ZNF276: variants seen among roughly 807,000 people sequenced by gnomAD.
The protein encoded by ZNF276 is centromere protein Z.
Under a neutral mutation model 63.9 loss-of-function variants are expected in ZNF276, and 59 were observed. That is an observed-to-expected ratio of 0.92 (90% confidence interval 0.75 to 1.15). The LOEUF (loss-of-function observed/expected upper bound fraction) is 1.15, where lower values mean the gene tolerates loss of function less well. ZNF276 is among the 50% of genes most tolerant of loss of function. ZNF276 has a pLI of 0.00. For synonymous variants in ZNF276, 496 were observed against 348.4 expected, an observed-to-expected ratio of 1.42 and a Z score of -4.72; for missense variants, 1,084 against 843.8, an observed-to-expected ratio of 1.28 and a Z score of -3.53.
chr16:89,723,193 C>A lies in ZNF276; in HGVS notation c.556+10C>A. On this transcript the variant is annotated intron_variant, in intron 3 of 10. Coordinates refer to ENST00000443381, the MANE Select transcript of ZNF276 (RefSeq NM_001113525.2). ...GAGGGAGCGTGTCTGGGTGAGTCCT[C>A]CCCCGGTGGAGGGTGGGCTGGGTGC... The A allele has an allele frequency of 6.2e-7, 1 of 1,613,210 alleles. No homozygotes were observed. Among genetic ancestry groups the A allele is most frequent in the Non-Finnish European group, 8.5e-7 (1 of 1,180,028 alleles).
Position 89,727,309 on chromosome 16 carries a change from C to T in ZNF276, c.1037C>T (p.Ser346Leu), listed in dbSNP as rs750600939. 4 of 1,614,168 alleles carry T rather than the reference C, an allele frequency of 2.5e-6. No homozygotes were observed. The highest frequency in any genetic ancestry group is 2.2e-5 in the South Asian group (2 of 91,074). Residue 346 changes from serine to leucine, a missense_variant, in exon 5 of 11, where the codon TCA (serine) becomes TTA (leucine). By Grantham distance (145) the Ser-to-Leu change is moderately radical (BLOSUM62 -2). Transcript: ENST00000443381. Reference sequence around the variant, plus strand: ...TTGGGTGAGAAGCAGCTTCCATCTTCAACCTCGGATGATCGGGTAAAAGAC... The same window carrying T: ...TTGGGTGAGAAGCAGCTTCCATCTTTAACCTCGGATGATCGGGTAAAAGAC... ...GQLGEKQLPS[S>L]TSDDRVKDEF...
At position 89,721,658 on chromosome 16, in the gene ZNF276, G is replaced by A. The variant is rs1384767793; in HGVS notation, c.18G>A (p.Leu6=). The A allele has an allele frequency of 1.4e-6, 2 of 1,466,520 alleles. No individual in the cohort carries two copies. Among genetic ancestry groups the A allele is most frequent in the Non-Finnish European group, 1.8e-6 (2 of 1,114,932 alleles). 90.8% of individuals were successfully genotyped at this position (1,466,520 alleles called of 1,614,324 possible). Residue 6 remains leucine (L), a synonymous_variant, in exon 1 of 11, where the codon CTG becomes CTA. Coordinates refer to ENST00000443381, the MANE Select transcript of ZNF276 (RefSeq NM_001113525.2). MKRDR[L]GRFLSPGSSR... The stretch of plus-strand genomic sequence containing the variant: ...CCGCTGCCATGAAGCGGGACCGGCT[G>A]GGCCGCTTCCTGTCTCCTGGGTCGT...
intron 1 of ZNF276, 21 bp downstream of exon 1, chr16:89,721,866 T>C (rs2151655101): frequency 8.3e-7 from 1 of 1,199,542 alleles, no homozygotes; most frequent in Admixed American, 4.4e-5. Context: ...GGCCCGGGCG[T>C]GGCGGGTTGG....
At chr16:89,725,854 C>A (rs544777954) in intron 4 of ZNF276, among the ~76,000 whole-genome samples, 1 of 152,152 alleles carries the variant, frequency 6.6e-6, no homozygotes, top group Non-Finnish European at 1.5e-5. Flanking sequence ...ACTCTTTTGC[C>A]CAGGCTGGTC....
chr16:89,723,215 G>C, intron 3 of ZNF276, 32 bp downstream of exon 3: 3 of 1,613,080 alleles, frequency 1.9e-6, no homozygotes, highest in Non-Finnish European at 2.5e-6. Context: ...GGTGGGCTGG[G>C]TGCCGACCAG....
chr16:89,736,366 C>T (rs2061890293), intron 9 of ZNF276, among the ~76,000 whole-genome samples: 1 of 150,454 alleles, frequency 6.6e-6, no homozygotes, highest in African/African-American at 2.4e-5. Context: ...TCTGTGTCGC[C>T]CAGCCTGGAG....
chr16:89,735,063 G>C (rs988564809), intron 9 of ZNF276, among the ~76,000 whole-genome samples: 3 of 151,526 alleles, frequency 2.0e-5, no homozygotes, highest in East Asian at 1.9e-4. Context: ...GGAGGCGGAG[G>C]TGGAGGTTGC....
intron 5 of ZNF276, among the ~76,000 whole-genome samples, chr16:89,728,463 G>A (rs2061537478): frequency 6.6e-6 from 1 of 152,060 alleles, no homozygotes; most frequent in Non-Finnish European, 1.5e-5. Flanking sequence ...GAGTGCAGTG[G>A]CACAATCTCG....
At position 89,739,224 on chromosome 16, in the gene ZNF276, T is replaced by A. The variant is rs760589739; in HGVS notation, c.*978T>A. On this transcript the variant is annotated 3_prime_UTR_variant, in exon 11 of 11. Transcript: ENST00000443381. ...GAGCTGGACCAGCTTCAAGTACATGTCCACAGCAACATGCAGGAAGGCCTC... is the reference window on the plus strand; with the variant it reads ...GAGCTGGACCAGCTTCAAGTACATGACCACAGCAACATGCAGGAAGGCCTC... The A allele has an allele frequency of 6.2e-7, 1 of 1,614,160 alleles. No homozygotes were observed. Among genetic ancestry groups the A allele is most frequent in the Non-Finnish European group, 8.5e-7 (1 of 1,180,034 alleles).
chr16:89,728,859 C>G (rs962535663), intron 5 of ZNF276, among the ~76,000 whole-genome samples: 16 of 152,214 alleles, frequency 1.1e-4, no homozygotes, highest in African/African-American at 3.9e-4. Flanking sequence ...TTAGAAGTGA[C>G]TCATGGCAAA....
chr16:89,720,506 G>A (rs2061229589), upstream of ZNF276: 3 of 1,139,804 alleles, frequency 2.6e-6, no homozygotes, highest in Middle Eastern at 1.1e-3. Context: ...TCCTCTACAG[G>A]TGGAGCCCAG....
upstream of ZNF276, chr16:89,720,731 A>G: frequency 7.1e-7 from 1 of 1,418,008 alleles, no homozygotes. Flanking sequence ...GGCCACCCTC[A>G]GCGGCCAAGC....
At chr16:89,729,150 T>G in intron 5 of ZNF276, 85 bp from the exon 6 acceptor site, 2 of 1,063,892 alleles carry the variant, frequency 1.9e-6, no homozygotes, top group Non-Finnish European at 2.9e-6. Context: ...TGGGGGTCCA[T>G]TTGGTATCTT....
Position 89,738,507 on chromosome 16 carries a change from T to C in ZNF276, c.*261T>C, listed in dbSNP as rs2062024982. Reference sequence around the variant, plus strand: ...CCCCACTAAAGCAGTCGAGGAGATTTGTAATCCACTTTTTAGTGCAACAAG... The same window carrying C: ...CCCCACTAAAGCAGTCGAGGAGATTCGTAATCCACTTTTTAGTGCAACAAG... On this transcript the variant is annotated 3_prime_UTR_variant, in exon 11 of 11. Coordinates refer to ENST00000443381, the MANE Select transcript of ZNF276 (RefSeq NM_001113525.2). 8 of 1,578,690 alleles carry C rather than the reference T, an allele frequency of 5.1e-6. No individual in the cohort carries two copies. The East Asian group carries it at 1.8e-4, about 35-fold the overall frequency.
chr16:89,740,044 A>C lies in ZNF276; in HGVS notation c.*1798A>C, dbSNP rs986710868. On this transcript the variant is annotated 3_prime_UTR_variant, in exon 11 of 11. Coordinates refer to ENST00000443381, the MANE Select transcript of ZNF276 (RefSeq NM_001113525.2). ...CAGCCAGGATATCTTCCTCTTCTCT[A>C]AACACTCGAGGATTGCTGCACAAAC... 3.7e-6 allele frequency: 6 copies of C among 1,614,126 alleles called. No individual in the cohort carries two copies. Among genetic ancestry groups the C allele is most frequent in the South Asian group, 1.1e-5 (1 of 91,080 alleles).
At chr16:89,722,233 C>T (rs990813405) in intron 1 of ZNF276, among the ~76,000 whole-genome samples, 2 of 152,236 alleles carry the variant, frequency 1.3e-5, no homozygotes, top group African/African-American at 2.4e-5. Flanking sequence ...GAGGGCGCAG[C>T]GCCTGCCCCG....
chr16:89,731,212 G>C (rs1049199331), intron 6 of ZNF276, among the ~76,000 whole-genome samples: 1 of 152,246 alleles, frequency 6.6e-6, no homozygotes, highest in Non-Finnish European at 1.5e-5. Context: ...GGGACAGGGA[G>C]AGAAGGCGCA....
intron 5 of ZNF276, among the ~76,000 whole-genome samples, chr16:89,728,993 C>G (rs997064842): frequency 3.9e-5 from 6 of 152,234 alleles, no homozygotes; most frequent in African/African-American, 1.4e-4. Flanking sequence ...GGGCTGTTTC[C>G]AAGTCCAGTG....
chr16:89,725,079 A>T (rs62068388), intron 4 of ZNF276, among the ~76,000 whole-genome samples: 7,079 of 115,206 alleles, frequency 0.061, 392 homozygotes, highest in East Asian at 0.21. Context: ...ACGCCCACCT[A>T]ATTTTTGTAT....
Sources: allele counts gnomAD v4.1 joint callset (sites outside exome capture counted in the v4.1 genomes callset), GRCh38; gene constraint gnomAD v4.1.1; transcripts MANE v1.5; gene names NCBI Gene and HGNC (gene_info 2026-07-23, HGNC 2026-07-21).